The following NDUFAF6 variants were observed in gnomAD, a reference collection of about 807,000 sequenced individuals.
NDUFAF6 encodes NADH:ubiquinone oxidoreductase complex assembly factor 6, also known as NADH dehydrogenase (ubiquinone) complex I, assembly factor 6.
Under a neutral mutation model 40.8 loss-of-function variants are expected in NDUFAF6, and 45 were observed. The observed-to-expected ratio is 1.10, with a 90% CI of 0.87 to 1.42. The LOEUF is 1.42. Among genes scored for constraint, NDUFAF6 ranks in the 40% most tolerant of loss-of-function variants. The probability of loss-of-function intolerance (pLI) is 0.00; values close to 1 mark genes in which losing one functional copy is unlikely to be tolerated. For synonymous variants in NDUFAF6, 185 were observed against 155.9 expected (o/e 1.19, Z -1.39); for missense variants, 435 against 418.5 (o/e 1.04, Z -0.34).
intron 1 of NDUFAF6, among the ~76,000 whole-genome samples, chr8:94,976,194 C>CAAAAA (rs34588079): frequency 9.8e-6 from 1 of 102,132 alleles, no homozygotes; most frequent in African/African-American, 3.9e-5. Context: ...GACTGTGTCT[C>CAAAAA]AAAAAAAAAA....
rs539779388 is a variant in NDUFAF6 at position 95,073,411 on chromosome 8, C to T, written c.*512-2222C>T. Among the ~76,000 whole-genome samples the T allele has an allele frequency of 2.1e-3, 316 of 151,696 alleles. 3 individuals carry two copies. The highest frequency in any genetic ancestry group is 7.2e-3 in the African/African-American group (294 of 41,032). On this transcript the variant is annotated intron_variant and NMD_transcript_variant, in intron 9 of 9. Coordinates refer to the NDUFAF6 transcript ENST00000520757. ...GGCAGCGCCACCTCTCCCGAGCGCC[C>T]GCGCCCCGCTGCCCCAGCCGGGGAG...
At chr8:95,109,593 G>T (rs1273255888) in intron 4 of NDUFAF6, among the ~76,000 whole-genome samples, 2 of 16,196 alleles carry the variant, frequency 1.2e-4, no homozygotes, top group East Asian at 0.25. Flanking sequence ...TAGATAGAGA[G>T]AGAGAGAGAG....
chr8:95,066,228 C>T (rs1007995598), intron 9 of NDUFAF6, among the ~76,000 whole-genome samples: 3 of 151,670 alleles, frequency 2.0e-5, no homozygotes. Flanking sequence ...CCTCCCACCT[C>T]AGCCTCCCAA....
chr8:94,900,241 T>C (rs1420684053), intron 1 of NDUFAF6, among the ~76,000 whole-genome samples: 1 of 146,896 alleles, frequency 6.8e-6, no homozygotes, highest in Non-Finnish European at 1.5e-5. Flanking sequence ...GTGGGATAAA[T>C]GGAGGGGAGG....
chr8:95,066,615 C>A (rs1832711367), intron 9 of NDUFAF6, among the ~76,000 whole-genome samples: 1 of 152,074 alleles, frequency 6.6e-6, no homozygotes, highest in Admixed American at 6.5e-5. Context: ...TTCTCTCTTT[C>A]ACTGTGTTTA....
chr8:94,932,635 C>T (rs577275606), intron 1 of NDUFAF6, among the ~76,000 whole-genome samples: 8 of 152,072 alleles, frequency 5.3e-5, no homozygotes, highest in African/African-American at 1.9e-4. Flanking sequence ...AACCCCGTCT[C>T]TACTAAAAAT....
intron 4 of NDUFAF6, among the ~76,000 whole-genome samples, chr8:95,113,899 C>T (rs1056954936): frequency 2.6e-5 from 4 of 151,404 alleles, no homozygotes; most frequent in South Asian, 2.1e-4. Flanking sequence ...AGTAAACTAT[C>T]GCAAGAACAA....
upstream of NDUFAF6, among the ~76,000 whole-genome samples, chr8:95,095,907 C>T (rs912705686): frequency 2.0e-5 from 3 of 152,112 alleles, no homozygotes; most frequent in African/African-American, 4.8e-5. Context: ...TCAAGCGATC[C>T]GCCTGTCTCG....
intron 1 of NDUFAF6, among the ~76,000 whole-genome samples, chr8:94,903,291 C>T (rs563326158): frequency 2.1e-4 from 32 of 151,968 alleles, no homozygotes; most frequent in East Asian, 1.2e-3. Context: ...CCCAGGAGGT[C>T]GAGGCTGCAG....
Position 95,067,825 on chromosome 8 carries a change from G to C in NDUFAF6, c.*512-7808G>C, listed in dbSNP as rs1832740254. ...GGGTGGAAGTTCAGGCTCCCAGTGT[G>C]GTCTCCGCTGACACCATGGGGGTGG... On this transcript the variant is annotated intron_variant and NMD_transcript_variant, in intron 9 of 9. Coordinates refer to the NDUFAF6 transcript ENST00000520757. The C allele has an allele frequency of 1.3e-5, 2 of 151,966 alleles. 1 individual carries two copies. Among genetic ancestry groups the C allele is most frequent in the South Asian group, 4.1e-4 (2 of 4,824 alleles). The allele number at this position is 151,966 out of a possible 1,614,324, so 9.4% of individuals were successfully genotyped here. A position where few individuals can be genotyped will look rare whatever the true frequency, so the allele number is the denominator to read the frequency against.
At chr8:95,045,032 G>A (rs1830575636) in intron 4 of NDUFAF6, among the ~76,000 whole-genome samples, 1 of 148,684 alleles carries the variant, frequency 6.7e-6, no homozygotes, top group African/African-American at 2.5e-5. Context: ...TTTCCTCATT[G>A]AGCATGTAGA....
downstream of NDUFAF6, among the ~76,000 whole-genome samples, chr8:95,104,422 C>G (rs999162635): frequency 6.6e-6 from 1 of 152,172 alleles, no homozygotes; most frequent in Non-Finnish European, 1.5e-5. Context: ...ACCTACTTGC[C>G]TGGTCCCTGT....
chr8:95,062,156 C>CA (rs772221046), downstream of NDUFAF6, among the ~76,000 whole-genome samples: 5,369 of 110,546 alleles, frequency 0.049, 208 homozygotes, highest in African/African-American at 0.12. Context: ...GACCGTGGCT[C>CA]AAAAAAAAAA....
upstream of NDUFAF6, among the ~76,000 whole-genome samples, chr8:94,957,098 G>C (rs573999367): frequency 6.6e-6 from 1 of 152,278 alleles, no homozygotes; most frequent in South Asian, 2.1e-4. Flanking sequence ...CTTGAACCTG[G>C]GAGGCGGGGG....
At chr8:95,105,447 C>A (rs1809811476), downstream of NDUFAF6, among the ~76,000 whole-genome samples, 1 of 152,040 alleles carries the variant, frequency 6.6e-6, no homozygotes, top group Admixed American at 6.5e-5. Flanking sequence ...GCAGCCTCAA[C>A]CTTCTGGACT....
At chr8:94,941,891 T>A (rs560270105) in intron 1 of NDUFAF6, among the ~76,000 whole-genome samples, 1 of 152,234 alleles carries the variant, frequency 6.6e-6, no homozygotes, top group Non-Finnish European at 1.5e-5. Context: ...CCTGGCTACC[T>A]GATGGGCGTA....
At chr8:95,015,887 T>C (rs1256820750) in intron 2 of NDUFAF6, among the ~76,000 whole-genome samples, 1 of 151,364 alleles carries the variant, frequency 6.6e-6, no homozygotes, top group Non-Finnish European at 1.5e-5. Flanking sequence ...AAGGGATAAA[T>C]AGAAATTAGC....
At chr8:94,966,673 G>T (rs1824037075) in intron 1 of NDUFAF6, among the ~76,000 whole-genome samples, 1 of 152,160 alleles carries the variant, frequency 6.6e-6, no homozygotes, top group African/African-American at 2.4e-5. Context: ...CAGCAGTGAG[G>T]CTTTCAGGGT....
rs1198662186 is a variant in NDUFAF6 at position 95,058,700 on chromosome 8, G to A, written c.*763G>A. On this transcript the variant is annotated 3_prime_UTR_variant, in exon 9 of 9. Coordinates refer to ENST00000396124, the MANE Select transcript of NDUFAF6 (RefSeq NM_152416.4). ...TGTATTGAACATCCATTAAAGGGTT[G>A]CTACACTTTATACTGTACATTCTGC... is the stretch of plus-strand genomic sequence containing the variant. The A allele has an allele frequency of 9.9e-7, 1 of 1,014,280 alleles. No homozygotes were observed. Among genetic ancestry groups the A allele is most frequent in the African/African-American group, 1.7e-5 (1 of 58,590 alleles). The allele number at this position is 1,014,280 out of a possible 1,614,324, so 62.8% of individuals were successfully genotyped here.
Sources: allele counts gnomAD v4.1 joint callset (sites outside exome capture counted in the v4.1 genomes callset), GRCh38; gene constraint gnomAD v4.1.1; transcripts MANE v1.5; gene names NCBI Gene and HGNC (gene_info 2026-07-23, HGNC 2026-07-21).